MRTFA: variants seen among roughly 807,000 people sequenced by gnomAD.
MRTFA encodes the protein myocardin-related transcription factor A.
Under a neutral mutation model 83.5 loss-of-function variants are expected in MRTFA, and 20 were observed. The observed-to-expected ratio is 0.24, with a 90% CI of 0.17 to 0.35. The LOEUF is 0.35. Among genes scored for constraint, MRTFA ranks in the 10% least tolerant of loss-of-function variants. MRTFA has a pLI of 1.00. For missense variants in MRTFA, 1,200 were observed against 1,224.7 expected (o/e 0.98, Z 0.30); for synonymous variants, 659 against 541.2 (o/e 1.22, Z -3.02).
rs2053616154 is a variant in MRTFA, at chr22:40,457,490, G to GAAAGAA, written c.307+5725_307+5730dup. Among the ~76,000 whole-genome samples the GAAAGAA allele has an allele frequency of 3.5e-5, 5 of 144,776 alleles. No homozygotes were observed. The South Asian group carries it at 1.1e-3, about 33-fold the overall frequency. The allele number at this position is 144,776 out of a possible 152,430, so 95.0% of individuals were successfully genotyped here. The stretch of plus-strand genomic sequence containing the variant: ...AGAAAGAAAGAAAGAAAGAAAGAAG[G>GAAAGAA]AAAGAAAGAAAGAGAAAGAAAGAAA... On this transcript the variant is annotated intron_variant, in intron 4 of 14. Transcript: ENST00000355630.
chr22:40,426,986 T>G (rs565214713), intron 7 of MRTFA, among the ~76,000 whole-genome samples: 2 of 152,226 alleles, frequency 1.3e-5, no homozygotes, highest in Non-Finnish European at 2.9e-5. Context: ...AGCACTGGCA[T>G]CTGACTGGGA....
At chr22:40,532,345 G>A (rs1043578196) in intron 3 of MRTFA, among the ~76,000 whole-genome samples, 18 of 152,170 alleles carry the variant, frequency 1.2e-4, no homozygotes, top group East Asian at 1.2e-3. Flanking sequence ...ACAGGCACTT[G>A]CCCACACATA....
chr22:40,460,214 C>T lies in MRTFA; in HGVS notation c.307+3007G>A, dbSNP rs556415232. Among the ~76,000 whole-genome samples the T allele has an allele frequency of 5.9e-5, 9 of 152,086 alleles. No individual in the cohort carries two copies. The East Asian group carries it at 1.4e-3, about 23-fold the overall frequency. ...TGCTGGGATTATAGGTGTGAGTCAC[C>T]GCGCCTGGCCCATTTGTCTTAACAA... is the stretch of plus-strand genomic sequence containing the variant. On this transcript the variant is annotated intron_variant, in intron 4 of 14. Coordinates refer to ENST00000355630, the MANE Select transcript of MRTFA (RefSeq NM_020831.6).
intron 3 of MRTFA, among the ~76,000 whole-genome samples, chr22:40,509,816 C>T (rs568505804): frequency 6.6e-6 from 1 of 151,946 alleles, no homozygotes; most frequent in South Asian, 2.1e-4. Context: ...AAAAATACTG[C>T]CAACTTCAAG....
At chr22:40,423,228 G>A (rs1204208597) in intron 9 of MRTFA, among the ~76,000 whole-genome samples, 1 of 152,234 alleles carries the variant, frequency 6.6e-6, no homozygotes, top group East Asian at 1.9e-4. Context: ...GTAGCACAGG[G>A]CTCTATTTCT....
At chr22:40,527,573 C>A (rs1053730097) in intron 3 of MRTFA, among the ~76,000 whole-genome samples, 2 of 151,766 alleles carry the variant, frequency 1.3e-5, no homozygotes, top group Non-Finnish European at 2.9e-5. Context: ...CTGGCTAACA[C>A]AGTGAAACCC....
At position 40,539,566 on chromosome 22, in the gene MRTFA, G is replaced by A. The variant is rs1372200217; in HGVS notation, c.241+12540C>T. 9.4e-5 allele frequency among the ~76,000 whole-genome samples: 12 copies of A among 128,096 alleles called. No homozygotes were observed. The South Asian group carries it at 3.1e-3, about 34-fold the overall frequency. The allele number at this position is 128,096 out of a possible 152,430, so 84.0% of individuals were successfully genotyped here. A position where few individuals can be genotyped will look rare whatever the true frequency, so the allele number is the denominator to read the frequency against. On this transcript the variant is annotated intron_variant, in intron 3 of 14. Coordinates refer to ENST00000355630, the MANE Select transcript of MRTFA (RefSeq NM_020831.6). ...TAGCCAGGCTGGAGTGCAGTGGCAC[G>A]ATCTCGGCTCACTGCAACCTCCGCC...
intron 3 of MRTFA, among the ~76,000 whole-genome samples, chr22:40,476,590 T>A (rs1186051524): frequency 6.6e-6 from 1 of 152,138 alleles, no homozygotes; most frequent in Non-Finnish European, 1.5e-5. Flanking sequence ...GCTTCTTCAG[T>A]AGCTGGGACC....
chr22:40,634,876 G>A (rs2147458582), intron 1 of MRTFA, among the ~76,000 whole-genome samples: 1 of 152,238 alleles, frequency 6.6e-6, no homozygotes, highest in South Asian at 2.1e-4. Flanking sequence ...AATACTTTTG[G>A]GTGATGGGAT....
chr22:40,547,473 G>T (rs373670891), intron 3 of MRTFA, among the ~76,000 whole-genome samples: 2 of 152,108 alleles, frequency 1.3e-5, no homozygotes, highest in Non-Finnish European at 1.5e-5. Context: ...CAAGTACAAG[G>T]CCCTGGGATA....
intron 3 of MRTFA, among the ~76,000 whole-genome samples, chr22:40,543,267 T>A (rs542337549): frequency 1.3e-5 from 2 of 152,290 alleles, no homozygotes; most frequent in Non-Finnish European, 2.9e-5. Context: ...TCAAAATTTT[T>A]ACTTCTCCCA....
chr22:40,421,032 C>A lies in MRTFA; in HGVS notation c.996G>T (p.Lys332Asn). 1 of 1,582,312 alleles carries A rather than the reference C, an allele frequency of 6.3e-7. No homozygotes were observed. Among genetic ancestry groups the A allele is most frequent in the South Asian group, 1.2e-5 (1 of 86,406 alleles). The change falls in exon 10 of 15, where the codon AAG becomes AAT. Residue 332 changes from lysine (K) to asparagine (N), a missense_variant. Lys to Asn is a moderately conservative substitution (Grantham distance 94). Coordinates refer to ENST00000355630, the MANE Select transcript of MRTFA (RefSeq NM_020831.6). ...ACTGGTGGTACTTGAGCTTCTTCAC[C>A]TTTGGCTTCAGCTCCTTGGCCTTCT...
chr22:40,607,820 T>C (rs2056336230), intron 1 of MRTFA, among the ~76,000 whole-genome samples: 1 of 152,234 alleles, frequency 6.6e-6, no homozygotes, highest in Admixed American at 6.5e-5. Context: ...TCCAATTGTT[T>C]AACTTTTGAA....
intron 1 of MRTFA, among the ~76,000 whole-genome samples, chr22:40,622,257 A>G (rs1006644181): frequency 8.6e-5 from 13 of 152,016 alleles, no homozygotes; most frequent in Non-Finnish European, 1.5e-4. Context: ...TGAGGCAGGT[A>G]GATCACGAGG....
chr22:40,626,863 T>TCAAA (rs2056587693), intron 1 of MRTFA, among the ~76,000 whole-genome samples: 1 of 97,944 alleles, frequency 1.0e-5, no homozygotes, highest in African/African-American at 3.6e-5. Context: ...AGACCCTGTC[T>TCAAA]CAAACACACA....
intron 10 of MRTFA, 31 bp downstream of exon 10, chr22:40,420,816 C>T: frequency 6.2e-7 from 1 of 1,610,618 alleles, no homozygotes; most frequent in African/African-American, 1.3e-5. Flanking sequence ...TCGGGGAGGG[C>T]AGGGGCAGGC....
At chr22:40,619,518 T>C (rs1470826418) in intron 1 of MRTFA, among the ~76,000 whole-genome samples, 1 of 152,166 alleles carries the variant, frequency 6.6e-6, no homozygotes, top group African/African-American at 2.4e-5. Flanking sequence ...CCAAGCAACA[T>C]ACTGAAGGTA....
intron 2 of MRTFA, among the ~76,000 whole-genome samples, chr22:40,571,026 CAAAAA>C (rs71199292): frequency 4.7e-4 from 22 of 46,730 alleles, no homozygotes; most frequent in African/African-American, 1.2e-3. Flanking sequence ...CCTGTCTCTA[CAAAAA>C]AAAAAAAAAA....
intron 6 of MRTFA, 59 bp from the exon 7 acceptor site, chr22:40,429,826 G>A (rs1239222480): frequency 1.2e-5 from 18 of 1,521,068 alleles, no homozygotes; most frequent in South Asian, 6.3e-5. Flanking sequence ...GTTCTGCCCC[G>A]GGAACTCCAG....
Sources: gnomAD v4.1 joint callset for allele counts (sites outside exome capture counted in the v4.1 genomes callset) on GRCh38, gnomAD v4.1.1 for gene constraint, MANE v1.5 for transcripts, NCBI Gene and HGNC (gene_info 2026-07-23, HGNC 2026-07-21) for gene names.